The following UBE2F variants were observed in gnomAD, a reference collection of about 807,000 sequenced individuals.
The protein encoded by UBE2F is ubiquitin conjugating enzyme E2 F (putative), also known as NEDD8-conjugating enzyme UBE2F.
UBE2F carries 5 observed loss-of-function variants against 29.6 expected under a neutral mutation model. The ratio of observed to expected loss-of-function variants is 0.17; its 90% CI spans 0.09 to 0.36. The LOEUF is 0.36. Among genes scored for constraint, UBE2F ranks in the 10% least tolerant of loss-of-function variants. UBE2F has a pLI of 1.00. For missense variants in UBE2F, 141 were observed against 228.5 expected, an observed-to-expected ratio of 0.62 and a Z score of 2.47; for synonymous variants, 66 against 81.8, an observed-to-expected ratio of 0.81 and a Z score of 1.04.
intron 4 of UBE2F, among the ~76,000 whole-genome samples, chr2:238,007,418 G>A (rs1007460020): frequency 2.0e-5 from 3 of 152,236 alleles, no homozygotes; most frequent in East Asian, 1.9e-4. Flanking sequence ...CACTGAGTCC[G>A]GCCTTGCTAT....
chr2:237,984,290 T>C (rs1466008016), intron 2 of UBE2F, among the ~76,000 whole-genome samples: 1 of 152,230 alleles, frequency 6.6e-6, no homozygotes, highest in Non-Finnish European at 1.5e-5. Flanking sequence ...CTTTGCCCTT[T>C]CTAAGATTGT....
At chr2:238,017,274 A>G (rs113262978) in intron 5 of UBE2F, among the ~76,000 whole-genome samples, 1 of 152,164 alleles carries the variant, frequency 6.6e-6, no homozygotes, top group Non-Finnish European at 1.5e-5. Context: ...ATCACTTTGG[A>G]AAGTGGTCAG....
intron 1 of UBE2F, among the ~76,000 whole-genome samples, chr2:237,972,325 A>G (rs1352032616): frequency 6.6e-6 from 1 of 152,092 alleles, no homozygotes; most frequent in Non-Finnish European, 1.5e-5. Context: ...AGAACCTGGG[A>G]CCGTACCATG....
chr2:237,971,524 A>G (rs1439405934), intron 1 of UBE2F, among the ~76,000 whole-genome samples: 5 of 152,054 alleles, frequency 3.3e-5, no homozygotes, highest in African/African-American at 4.8e-5. Flanking sequence ...GGGTTTCACC[A>G]TGTTGGCCAG....
chr2:238,034,376 C>G (rs2064656307), intron 8 of UBE2F, among the ~76,000 whole-genome samples: 1 of 151,606 alleles, frequency 6.6e-6, no homozygotes, highest in Admixed American at 6.6e-5. Flanking sequence ...TGCAGTGAGC[C>G]GAGATCACGC....
At chr2:237,997,834 TG>T (rs1253735522) in intron 4 of UBE2F, among the ~76,000 whole-genome samples, 1 of 152,160 alleles carries the variant, frequency 6.6e-6, no homozygotes, top group African/African-American at 2.4e-5. Flanking sequence ...AATTTGGTGA[TG>T]GGGAAAAGAA....
At position 238,032,227 on chromosome 2, in the gene UBE2F, C is replaced by T. The variant is rs1024225028; in HGVS notation, c.417C>T (p.Val139=). ...TGTTTTCTTTTTTATTTCAGGATGT[C>T]GTTTGGGGATTAAACTCTTTGTTTA... ...GWAPTRTLKD[V]VWGLNSLFTD... Residue 139 remains valine, a synonymous_variant, in exon 8 of 10, where the codon GTC becomes GTT. Coordinates refer to ENST00000272930, the MANE Select transcript of UBE2F (RefSeq NM_080678.3). 25 of 1,612,790 alleles carry T rather than the reference C, an allele frequency of 1.6e-5. No individual in the cohort carries two copies. Among genetic ancestry groups the T allele is most frequent in the Admixed American group, 3.3e-5 (2 of 59,854 alleles).
intron 2 of UBE2F, among the ~76,000 whole-genome samples, chr2:237,977,579 G>C (rs2106329091): frequency 6.6e-6 from 1 of 152,306 alleles, no homozygotes; most frequent in East Asian, 1.9e-4. Context: ...TGTTTAGCTT[G>C]CTTTGTGGGT....
At chr2:238,003,296 A>G in intron 4 of UBE2F, 1 of 465,272 alleles carries the variant, frequency 2.1e-6, no homozygotes, top group South Asian at 1.6e-5. Flanking sequence ...TTAAAATGTC[A>G]GTTATCTGCC....
intron 8 of UBE2F, 54 bp from the exon 9 acceptor site, chr2:238,035,824 A>G: frequency 6.8e-7 from 1 of 1,460,138 alleles, no homozygotes; most frequent in East Asian, 2.3e-5. Context: ...TGAAGACTTT[A>G]ACAGCAGAAA....
intron 9 of UBE2F, among the ~76,000 whole-genome samples, chr2:238,037,076 T>C (rs540277168): frequency 2.7e-4 from 41 of 152,322 alleles, no homozygotes; most frequent in African/African-American, 8.7e-4. Context: ...GAGCTCCCCC[T>C]ATTCATTATT....
chr2:237,983,476 C>T (rs1282008574), intron 2 of UBE2F, among the ~76,000 whole-genome samples: 2 of 152,292 alleles, frequency 1.3e-5, no homozygotes, highest in Non-Finnish European at 1.5e-5. Flanking sequence ...CGTGCCTCTA[C>T]ACAGGTGCTT....
intron 3 of UBE2F, among the ~76,000 whole-genome samples, chr2:237,990,111 CAAAAA>C (rs146262180): frequency 8.3e-5 from 7 of 84,162 alleles, no homozygotes; most frequent in Admixed American, 1.3e-4. Flanking sequence ...GAGACTGTCT[CAAAAA>C]AAAAAAAAAA....
chr2:238,036,826 A>C (rs902536000), intron 9 of UBE2F, among the ~76,000 whole-genome samples: 1 of 152,158 alleles, frequency 6.6e-6, no homozygotes, highest in African/African-American at 2.4e-5. Context: ...CTTTAAATAC[A>C]TAAATAAGTA....
intron 1 of UBE2F, among the ~76,000 whole-genome samples, chr2:237,969,149 T>C (rs1576582563): frequency 6.6e-6 from 1 of 152,250 alleles, no homozygotes; most frequent in African/African-American, 2.4e-5. Context: ...CAGTGTTACA[T>C]TCTTTTATAT....
chr2:238,023,754 C>A (rs2064348681), intron 5 of UBE2F, among the ~76,000 whole-genome samples: 1 of 152,152 alleles, frequency 6.6e-6, no homozygotes. Flanking sequence ...CCAAGGGGAC[C>A]TTTCTGTGGG....
intron 2 of UBE2F, among the ~76,000 whole-genome samples, chr2:237,987,247 G>GGT (rs2063496763): frequency 6.6e-6 from 1 of 151,884 alleles, no homozygotes; most frequent in Admixed American, 6.6e-5. Flanking sequence ...TTCTAAAGTG[G>GGT]GTGTGTGTGT....
At chr2:237,974,206 A>G (rs1020658471) in intron 2 of UBE2F, among the ~76,000 whole-genome samples, 4 of 149,164 alleles carry the variant, frequency 2.7e-5, no homozygotes, top group Non-Finnish European at 5.9e-5. Flanking sequence ...TGTCCAGGCT[A>G]GAGTGCAGTG....
At chr2:237,977,896 A>G (rs1286044581) in intron 2 of UBE2F, among the ~76,000 whole-genome samples, 1 of 152,118 alleles carries the variant, frequency 6.6e-6, no homozygotes, top group Admixed American at 6.6e-5. Flanking sequence ...ACTTCATGCC[A>G]TAGGCTGGGT....
Sources: allele counts gnomAD v4.1 joint callset (sites outside exome capture counted in the v4.1 genomes callset), GRCh38; gene constraint gnomAD v4.1.1; transcripts MANE v1.5; gene names NCBI Gene and HGNC (gene_info 2026-07-23, HGNC 2026-07-21).